The following SV2C variants were observed in gnomAD, a reference collection of about 807,000 sequenced individuals.
SV2C encodes the protein synaptic vesicle glycoprotein 2C, also known as solute carrier family 22 member B3.
SV2C carries 49 observed loss-of-function variants against 79.7 expected under a neutral mutation model. The observed-to-expected ratio is 0.61, with a 90% CI of 0.49 to 0.78. SV2C has a LOEUF of 0.78. SV2C is among the 30% of genes least tolerant of loss of function. The probability of loss-of-function intolerance (pLI) is 0.00; values close to 1 mark genes in which losing one functional copy is unlikely to be tolerated. For synonymous variants in SV2C, 334 were observed against 333.2 expected (o/e 1.00, Z -0.03); for missense variants, 833 against 912.9 (o/e 0.91, Z 1.13).
At chr5:75,996,027 A>G in the SV2C span, among the ~76,000 whole-genome samples, 3 of 152,196 alleles carry the variant, frequency 2.0e-5, no homozygotes, top group African/African-American at 7.2e-5. Flanking sequence ...TCCTGCAGGC[A>G]GGCACTGGCA....
chr5:76,220,648 A>T (rs1745041082), intron 4 of SV2C, among the ~76,000 whole-genome samples: 1 of 151,034 alleles, frequency 6.6e-6, no homozygotes, highest in South Asian at 2.1e-4. Context: ...AATTGACTAG[A>T]TAGAAAGGAA....
chr5:76,111,647 A>G (rs1748101310), intron 1 of SV2C, among the ~76,000 whole-genome samples: 1 of 152,170 alleles, frequency 6.6e-6, no homozygotes, highest in Non-Finnish European at 1.5e-5. Context: ...CAGTGACAGC[A>G]TCAAGCTAAT....
At chr5:76,253,201 G>A (rs1469940860) in intron 4 of SV2C, among the ~76,000 whole-genome samples, 1 of 152,200 alleles carries the variant, frequency 6.6e-6, no homozygotes, top group East Asian at 1.9e-4. Flanking sequence ...TTAGAATTCT[G>A]TGCAGATAGT....
At chr5:75,997,166 C>T in the SV2C span, among the ~76,000 whole-genome samples, 1 of 151,866 alleles carries the variant, frequency 6.6e-6, no homozygotes, top group Admixed American at 6.6e-5. Context: ...CCCATCAATA[C>T]CTAATTTATT....
chr5:75,985,036 G>C, the SV2C span, among the ~76,000 whole-genome samples: 1 of 151,894 alleles, frequency 6.6e-6, no homozygotes, highest in East Asian at 1.9e-4. Context: ...GGGTTTATTT[G>C]GCTCATGATT....
the SV2C span, among the ~76,000 whole-genome samples, chr5:76,048,965 G>A: frequency 2.9e-3 from 168 of 58,198 alleles, 6 homozygotes; most frequent in Admixed American, 0.01. Flanking sequence ...GAAAGAAAAA[G>A]AGAAAGAAAG....
chr5:76,020,312 C>A, the SV2C span, among the ~76,000 whole-genome samples: 1 of 152,160 alleles, frequency 6.6e-6, no homozygotes, highest in African/African-American at 2.4e-5. Flanking sequence ...AGATACTCTA[C>A]AAATGTCTAC....
chr5:76,073,544 T>TATATATAAATAC, the SV2C span, among the ~76,000 whole-genome samples: 91 of 121,046 alleles, frequency 7.5e-4, no homozygotes, highest in African/African-American at 2.7e-3. Context: ...TATATATATA[T>TATATATAAATAC]ACACCATGGA....
chr5:76,076,590 C>T, the SV2C span, among the ~76,000 whole-genome samples: 1 of 152,088 alleles, frequency 6.6e-6, no homozygotes, highest in Non-Finnish European at 1.5e-5. Flanking sequence ...GAGGGCTCCT[C>T]CACATAGGAT....
the SV2C span, among the ~76,000 whole-genome samples, chr5:76,004,285 C>T: frequency 6.6e-6 from 1 of 152,168 alleles, no homozygotes; most frequent in Non-Finnish European, 1.5e-5. Context: ...TTACATCAAA[C>T]AGTACATTTC....
intron 4 of SV2C, among the ~76,000 whole-genome samples, chr5:76,283,326 C>CAAAAA (rs1747252967): frequency 1.3e-5 from 2 of 152,102 alleles, no homozygotes; most frequent in African/African-American, 4.8e-5. Context: ...AAAACAAAAA[C>CAAAAA]CAAAACAAAA....
intron 4 of SV2C, chr5:76,281,196 G>A (rs878968304): frequency 1.7e-5 from 9 of 533,062 alleles, no homozygotes; most frequent in Non-Finnish European, 2.7e-5. Context: ...AAAGTAAGCC[G>A]ACAAACAGAA....
intron 2 of SV2C, among the ~76,000 whole-genome samples, chr5:76,140,590 A>C (rs1224332620): frequency 6.6e-6 from 1 of 152,098 alleles, no homozygotes; most frequent in African/African-American, 2.4e-5. Flanking sequence ...GGTGCATTGA[A>C]CCAATCTTTT....
chr5:75,929,421 TG>T, the SV2C span, among the ~76,000 whole-genome samples: 1 of 151,950 alleles, frequency 6.6e-6, no homozygotes, highest in South Asian at 2.1e-4. Flanking sequence ...GGCATCTGCT[TG>T]GGGGAACTTA....
chr5:76,291,308 C>A lies in SV2C; in HGVS notation c.1225C>A (p.Arg409=). The change falls in exon 7 of 13, where the codon CGG becomes AGG. Residue 409 remains arginine, a synonymous_variant. Coordinates refer to ENST00000502798, the MANE Select transcript of SV2C (RefSeq NM_014979.4). ...TGTWYRRCFV[R]IRTELYGIWL... is the part of the protein sequence containing the mutation. ...AACATGGTATAGGAGGTGTTTTGTT[C>A]GGATCCGCACCGAGCTGTACGGAGT... 6.2e-7 allele frequency: 1 copy of A among 1,611,886 alleles called. No individual in the cohort carries two copies. The highest frequency in any genetic ancestry group is 1.1e-5 in the South Asian group (1 of 90,810).
At chr5:76,230,079 A>G (rs1242192030) in intron 4 of SV2C, among the ~76,000 whole-genome samples, 5 of 152,224 alleles carry the variant, frequency 3.3e-5, no homozygotes, top group African/African-American at 1.2e-4. Context: ...AAGGCAGGGC[A>G]GTACTTTGCA....
chr5:76,107,956 T>C (rs1365034895), intron 1 of SV2C, among the ~76,000 whole-genome samples: 1 of 152,234 alleles, frequency 6.6e-6, no homozygotes, highest in Non-Finnish European at 1.5e-5. Context: ...CGGTAAAATA[T>C]CTACAGATCT....
At chr5:75,920,053 T>G in the SV2C span, among the ~76,000 whole-genome samples, 1 of 152,216 alleles carries the variant, frequency 6.6e-6, no homozygotes, top group Non-Finnish European at 1.5e-5. Context: ...GTGGTAGAGA[T>G]ATGCAGTAAA....
chr5:76,295,829 C>T lies in SV2C; in HGVS notation c.1389C>T (p.Ser463=), dbSNP rs753076461. 1.4e-5 allele frequency: 23 copies of T among 1,612,872 alleles called. No individual in the cohort carries two copies. The highest frequency in any genetic ancestry group is 5.5e-5 in the South Asian group (5 of 90,906). Residue 463 remains serine, a synonymous_variant, in exon 9 of 13, where the codon TCC becomes TCT. Coordinates refer to ENST00000502798, the MANE Select transcript of SV2C (RefSeq NM_014979.4). ...CTGATGTCATTAAACCTCTGCAGTC[C>T]GATGAATATGCATTGCTAACCAGAA... The part of the protein sequence containing the change: ...WFPDVIKPLQ[S]DEYALLTRNV...
Sources: allele counts gnomAD v4.1 joint callset (sites outside exome capture counted in the v4.1 genomes callset), GRCh38; gene constraint gnomAD v4.1.1; transcripts MANE v1.5; gene names NCBI Gene and HGNC (gene_info 2026-07-23, HGNC 2026-07-21).